ADAM12: variants seen among roughly 807,000 people sequenced by gnomAD.
ADAM12 encodes the protein disintegrin and metalloproteinase domain-containing protein 12.
In ADAM12, 70 loss-of-function variants were observed where a neutral mutation model predicts 106.4. The observed-to-expected ratio is 0.66, with a 90% CI of 0.54 to 0.80. The LOEUF is 0.80. Ranked by LOEUF, ADAM12 falls within the 30% of genes least tolerant of loss-of-function variation. The pLI is 0.00. For missense variants in ADAM12, 1,010 were observed against 1,171.9 expected (o/e 0.86, Z 2.02); for synonymous variants, 420 against 433.5 (o/e 0.97, Z 0.39).
intron 11 of ADAM12, among the ~76,000 whole-genome samples, chr10:126,079,813 A>T (rs1308960439): frequency 6.6e-6 from 1 of 152,208 alleles, no homozygotes; most frequent in Non-Finnish European, 1.5e-5. Context: ...TTGTGATCAC[A>T]TGAAAGATGT....
chr10:126,245,774 A>T (rs1463960659), intron 3 of ADAM12, among the ~76,000 whole-genome samples: 2 of 152,332 alleles, frequency 1.3e-5, no homozygotes, highest in Non-Finnish European at 2.9e-5. Flanking sequence ...AGGAGGAAGT[A>T]GATTGAGAAG....
At chr10:126,112,280 A>G (rs1209347733) in intron 6 of ADAM12, among the ~76,000 whole-genome samples, 2 of 150,986 alleles carry the variant, frequency 1.3e-5, no homozygotes, top group Non-Finnish European at 2.9e-5. Context: ...GCAGCAAACC[A>G]CCATGGCACA....
chr10:126,080,529 G>GA lies in ADAM12; in HGVS notation c.1146-8876dup, dbSNP rs139176883. ...TAAAATGGTGATACCTGCGGCCCAGGAAAAAAAAGTGCTGCTTTCAGCTCA... is the reference window on the plus strand; with the variant it reads ...TAAAATGGTGATACCTGCGGCCCAGGAAAAAAAAAGTGCTGCTTTCAGCTCA... On this transcript the variant is annotated intron_variant, in intron 11 of 22. Transcript: ENST00000448723. 5.3e-5 allele frequency among the ~76,000 whole-genome samples: 8 copies of GA among 151,690 alleles called. 1 individual carries two copies. The highest frequency in any genetic ancestry group is 8.8e-5 in the Non-Finnish European group (6 of 67,942).
chr10:126,344,012 G>A (rs558277406), intron 1 of ADAM12, among the ~76,000 whole-genome samples: 299 of 152,270 alleles, frequency 2.0e-3, no homozygotes, highest in Non-Finnish European at 2.5e-3. Context: ...CTGTGCAGAA[G>A]CTCTTTAGTT....
chr10:126,069,285 A>C (rs1954935940), intron 12 of ADAM12, among the ~76,000 whole-genome samples: 1 of 152,204 alleles, frequency 6.6e-6, no homozygotes, highest in Non-Finnish European at 1.5e-5. Context: ...GAAAAGCAAA[A>C]AATAAAAAAA....
chr10:126,256,030 G>T (rs1173796829), intron 3 of ADAM12, among the ~76,000 whole-genome samples: 7 of 152,138 alleles, frequency 4.6e-5, no homozygotes, highest in African/African-American at 1.4e-4. Flanking sequence ...CTGGTAGTTA[G>T]GACCAGCCAA....
At chr10:126,225,501 C>T (rs979664097) in intron 3 of ADAM12, among the ~76,000 whole-genome samples, 1 of 152,142 alleles carries the variant, frequency 6.6e-6, no homozygotes, top group African/African-American at 2.4e-5. Context: ...GTGATCCTGC[C>T]CGATCATTTG....
chr10:126,249,042 C>G (rs147072081), intron 3 of ADAM12, among the ~76,000 whole-genome samples: 15 of 152,166 alleles, frequency 9.9e-5, no homozygotes, highest in African/African-American at 3.6e-4. Flanking sequence ...CCAGAACCAA[C>G]TATAGAGTAA....
In ADAM12 at chr10:126,388,100, G is replaced by A. The variant is rs1369013237; in HGVS notation, c.46C>T (p.Leu16Phe). Residue 16 changes from leucine to phenylalanine, a missense_variant, in exon 1 of 23, where the codon CTC (leucine) becomes TTC (phenylalanine). Coordinates refer to ENST00000448723, the MANE Select transcript of ADAM12 (RefSeq NM_001288973.2). This position sits in a 1 kb window ranked among gnomAD's most constrained non-coding sequence, Gnocchi z 4.4. ...GCGAGCAGAGCACCGGCCAGGGCGA[G>A]CAGGAGGGCGCGGGCGGGGGACACG... ...LPVSPARALL[L>F]ALAGALLAPC... The A allele has an allele frequency of 4.9e-6, 6 of 1,232,692 alleles. No homozygotes were observed. The highest frequency in any genetic ancestry group is 6.1e-6 in the Non-Finnish European group (6 of 987,484). 76.4% of individuals were successfully genotyped at this position (1,232,692 alleles called of 1,614,324 possible).
intron 8 of ADAM12, among the ~76,000 whole-genome samples, chr10:126,102,825 T>G (rs148292789): frequency 6.6e-6 from 1 of 152,340 alleles, no homozygotes; most frequent in East Asian, 1.9e-4. Context: ...GAAAGTAAGT[T>G]CCTGGCCGGC....
chr10:126,280,435 C>T (rs1038579424), intron 2 of ADAM12, among the ~76,000 whole-genome samples: 2 of 152,124 alleles, frequency 1.3e-5, no homozygotes, highest in African/African-American at 4.8e-5. Flanking sequence ...ATTAGTTCAC[C>T]AGTCATACTG....
chr10:126,093,986 C>T lies in ADAM12; in HGVS notation c.1144G>A (p.Gly382Arg), dbSNP rs777220906. ...GCAGATGGAAGCAATGGTACTTGCC[C>T]GGTGGAAGCGTTCATGATGCAGCCT... ...KGGCIMNASTGYPFPMVFSSC... is the reference protein window; with the variant it reads ...KGGCIMNASTRYPFPMVFSSC... The change falls in exon 11 of 23, where the codon GGG becomes AGG. Residue 382 changes from glycine to arginine, a missense_variant and splice_region_variant. By Grantham distance (125) the Gly-to-Arg change is moderately radical (BLOSUM62 -2). Transcript: ENST00000448723. 2.4e-5 allele frequency: 39 copies of T among 1,613,928 alleles called. No homozygotes were observed. The highest frequency in any genetic ancestry group is 1.6e-4 in the Middle Eastern group (1 of 6,084).
chr10:126,084,379 G>A (rs1955294615), intron 11 of ADAM12, among the ~76,000 whole-genome samples: 1 of 152,138 alleles, frequency 6.6e-6, no homozygotes, highest in Non-Finnish European at 1.5e-5. Flanking sequence ...TGTATCAGAC[G>A]AGCTACTCAG....
chr10:126,041,987 C>T (rs990308898), intron 18 of ADAM12: 10 of 1,433,600 alleles, frequency 7.0e-6, no homozygotes, highest in Non-Finnish European at 8.2e-6. Flanking sequence ...ACTTCCCCTC[C>T]TGAGCCCCGA....
rs1384266362 is a variant in ADAM12, at chr10:126,064,917, G to T, written c.1498C>A (p.Pro500Thr). 1 of 1,613,176 alleles carries T rather than the reference G, an allele frequency of 6.2e-7. No homozygotes were observed. ...CCATCGTGCAGGTACACGTTGGCTG[G>T]GCAGTGAGGGCTGGCCCCTGTGCAG... ...EFCTGASPHC[P>T]ANVYLHDGHS... The change falls in exon 14 of 23, where the codon CCA (proline) becomes ACA (threonine). Residue 500 changes from proline to threonine, a missense_variant. Coordinates refer to ENST00000448723, the MANE Select transcript of ADAM12 (RefSeq NM_001288973.2). This position sits in a 1 kb window ranked among gnomAD's most constrained non-coding sequence, Gnocchi z 4.4.
intron 10 of ADAM12, 82 bp downstream of exon 10, chr10:126,098,334 A>G: frequency 1.8e-6 from 2 of 1,128,020 alleles, no homozygotes; most frequent in South Asian, 1.3e-5. Context: ...GAAAGGATCT[A>G]TCTTCACAAA....
chr10:126,285,539 A>G (rs1466411232), intron 2 of ADAM12, among the ~76,000 whole-genome samples: 1 of 152,186 alleles, frequency 6.6e-6, no homozygotes, highest in African/African-American at 2.4e-5. Context: ...TGCTATTTGT[A>G]CTTATACTTC....
chr10:126,195,113 G>A (rs923773083), intron 3 of ADAM12, among the ~76,000 whole-genome samples: 2 of 152,122 alleles, frequency 1.3e-5, no homozygotes, highest in Non-Finnish European at 2.9e-5. Flanking sequence ...GCTTGGGGGT[G>A]GAGAGATGTG....
intron 3 of ADAM12, among the ~76,000 whole-genome samples, chr10:126,200,872 G>A (rs1212575589): frequency 1.3e-5 from 2 of 150,248 alleles, no homozygotes; most frequent in African/African-American, 2.5e-5. Context: ...GGGCAGGGTG[G>A]TGGTGGTGGT....
Sources: gnomAD v4.1 joint callset for allele counts (sites outside exome capture counted in the v4.1 genomes callset) on GRCh38, gnomAD v4.1.1 for gene constraint, Gnocchi (gnomAD v3.1) non-coding constraint, MANE v1.5 for transcripts, NCBI Gene and HGNC (gene_info 2026-07-23, HGNC 2026-07-21) for gene names.